Variants in COL23A1 observed in about 807,000 individuals in gnomAD.
COL23A1 encodes the protein collagen type XXIII alpha 1 chain.
In COL23A1, 97 loss-of-function variants were observed where a neutral mutation model predicts 99.3. The ratio of observed to expected loss-of-function variants is 0.98; its 90% confidence interval spans 0.83 to 1.16. The LOEUF is 1.16. Among genes scored for constraint, COL23A1 ranks in the 50% most tolerant of loss-of-function variants. The pLI is 0.00. For missense variants in COL23A1, 762 were observed against 757.4 expected (o/e 1.01, Z -0.07); for synonymous variants, 320 against 308.2 (o/e 1.04, Z -0.40).
At chr5:178,247,422 G>T in intron 22 of COL23A1, 104 bp downstream of exon 22, 1 of 1,344,256 alleles carries the variant, frequency 7.4e-7, no homozygotes, top group Non-Finnish European at 1.1e-6. Flanking sequence ...TCAGGGATGG[G>T]CCAGGGCGGA....
At chr5:178,290,423 G>A (rs1018662482) in intron 3 of COL23A1, 54 bp from the exon 4 acceptor site, 40 of 1,612,508 alleles carry the variant, frequency 2.5e-5, no homozygotes, top group Admixed American at 5.0e-5. Flanking sequence ...GAGTCCCCTC[G>A]CCTGTCCTCA....
In COL23A1 at chr5:178,309,983, C is replaced by T. The variant is rs60967673; in HGVS notation, c.362-3064G>A. The stretch of plus-strand genomic sequence containing the variant: ...AGGGAGAAGGGGACAGGCAGGGAGG[C>T]CTCAGGTCTCCTCACTGCTTCTGGG... On this transcript the variant is annotated intron_variant, in intron 2 of 28. Coordinates refer to ENST00000390654, the MANE Select transcript of COL23A1 (RefSeq NM_173465.4). This position sits in a 1 kb window ranked among gnomAD's most constrained non-coding sequence, Gnocchi z 4.7. Among the ~76,000 whole-genome samples the T allele has an allele frequency of 0.12, 18,137 of 152,076 alleles. 2,016 individuals are homozygous for T. Among genetic ancestry groups the T allele is most frequent in the African/African-American group, 0.29 (11,989 of 41,388 alleles).
In COL23A1 at chr5:178,247,194, G is replaced by GT. The variant is rs532687785; in HGVS notation, c.1296+331_1296+332insA. Among the ~76,000 whole-genome samples the GT allele has an allele frequency of 2.6e-5, 4 of 152,244 alleles. 1 individual carries two copies. In the East Asian group the frequency reaches 7.8e-4, roughly 30 times the overall value. ...GGGCGGGCTGGGATGGGGAGAGGTG[G>GT]GGACAGTGCAAGGAACTGACAGGCA... On this transcript the variant is annotated intron_variant, in intron 22 of 28. Transcript: ENST00000390654.
chr5:178,449,907 C>T (rs894552596), intron 2 of COL23A1, among the ~76,000 whole-genome samples: 1 of 152,130 alleles, frequency 6.6e-6, no homozygotes, highest in South Asian at 2.1e-4. Context: ...GTCTAGTAGC[C>T]ATCTGCTGAC....
At chr5:178,296,536 C>T (rs1298894062) in intron 3 of COL23A1, among the ~76,000 whole-genome samples, 1 of 152,162 alleles carries the variant, frequency 6.6e-6, no homozygotes, top group Non-Finnish European at 1.5e-5. Context: ...CGTGGGAGGA[C>T]CCAGGCCCCC....
chr5:178,261,854 G>T, intron 10 of COL23A1, 106 bp from the exon 11 acceptor site: 1 of 990,592 alleles, frequency 1.0e-6, no homozygotes, highest in Admixed American at 2.0e-5. Context: ...ATCCCAGAGA[G>T]CAGGAGGCTG....
rs1390237324 is a variant in COL23A1 at position 178,365,686 on chromosome 5, C to T, written c.362-58767G>A. On this transcript the variant is annotated intron_variant, in intron 2 of 28. Coordinates refer to ENST00000390654, the MANE Select transcript of COL23A1 (RefSeq NM_173465.4). The surrounding 1 kb of genome is among the most constrained non-coding windows in gnomAD (Gnocchi z 5.2). ...CTCCTCGACAACTGCGTGCTGTTCC[C>T]GGCAGACCCTTGCGTTTCCTGTTCT... Among the ~76,000 whole-genome samples the T allele has an allele frequency of 3.3e-5, 5 of 152,138 alleles. No homozygotes were observed. The highest frequency in any genetic ancestry group is 4.4e-5 in the Non-Finnish European group (3 of 68,018).
chr5:178,521,797 T>C (rs1039406386), intron 2 of COL23A1, among the ~76,000 whole-genome samples: 2 of 152,204 alleles, frequency 1.3e-5, no homozygotes, highest in Non-Finnish European at 2.9e-5. Context: ...ATATCTAGTC[T>C]AGGCACAGTC....
rs1018343619 is a variant in COL23A1, at chr5:178,384,086, A to T, written c.362-77167T>A. ...CTCCTGCCACGGCCAGGCAGGTCCC[A>T]CCTCTCTGCAAAGACCCCTCTTCTC... On this transcript the variant is annotated intron_variant, in intron 2 of 28. Coordinates refer to ENST00000390654, the MANE Select transcript of COL23A1 (RefSeq NM_173465.4). The surrounding 1 kb of genome is among the most constrained non-coding windows in gnomAD (Gnocchi z 5.5). 1.3e-5 allele frequency among the ~76,000 whole-genome samples: 2 copies of T among 152,098 alleles called. No individual in the cohort carries two copies.
At chr5:178,389,941 C>T (rs1051673668) in intron 2 of COL23A1, among the ~76,000 whole-genome samples, 1 of 152,226 alleles carries the variant, frequency 6.6e-6, no homozygotes, top group Admixed American at 6.5e-5. Context: ...CCCCTTGCCA[C>T]TAATCTCACA....
chr5:178,288,365 A>C lies in COL23A1; in HGVS notation c.415-15T>G. The C allele has an allele frequency of 1.2e-6, 2 of 1,608,864 alleles. No homozygotes were observed. Reference sequence around the variant, plus strand: ...CCTGATTGCCCCTGTGGTAATTAATATGTCATTAATAATCAGAGTTTCGGC... The same window carrying C: ...CCTGATTGCCCCTGTGGTAATTAATCTGTCATTAATAATCAGAGTTTCGGC... On this transcript the variant is annotated splice_polypyrimidine_tract_variant and intron_variant, in intron 4 of 28. Transcript: ENST00000390654.
At chr5:178,315,400 G>A (rs994950721) in intron 2 of COL23A1, among the ~76,000 whole-genome samples, 4 of 152,130 alleles carry the variant, frequency 2.6e-5, no homozygotes, top group Non-Finnish European at 4.4e-5. Flanking sequence ...CAATCCTCTC[G>A]AGTAATTCTG....
At position 178,543,944 on chromosome 5, in the gene COL23A1, T is replaced by A. The variant is rs375854789; in HGVS notation, c.361+16738A>T. Among the ~76,000 whole-genome samples, 19 of 152,194 alleles carry A rather than the reference T, an allele frequency of 1.2e-4. No homozygotes were observed. The East Asian group carries it at 3.1e-3, about 25-fold the overall frequency. ...GTTCATGGATGATGCCTTCTCCCTA[T>A]AACCTCACAGGGTCGTAGGGGTGAA... On this transcript the variant is annotated intron_variant, in intron 2 of 28. Coordinates refer to ENST00000390654, the MANE Select transcript of COL23A1 (RefSeq NM_173465.4).
chr5:178,444,597 C>T (rs1198026457), intron 2 of COL23A1, among the ~76,000 whole-genome samples: 5 of 152,054 alleles, frequency 3.3e-5, no homozygotes, highest in African/African-American at 4.8e-5. Flanking sequence ...GAGTTCGAAA[C>T]CAGCCTGGCC....
chr5:178,565,835 G>A (rs988361246), intron 1 of COL23A1, among the ~76,000 whole-genome samples: 20 of 151,826 alleles, frequency 1.3e-4, no homozygotes, highest in Admixed American at 3.3e-4. Context: ...TATCAGGGCC[G>A]GGCGCGGTGG....
chr5:178,531,017 GC>G (rs1420083845), intron 2 of COL23A1, among the ~76,000 whole-genome samples: 1 of 152,102 alleles, frequency 6.6e-6, no homozygotes, highest in Non-Finnish European at 1.5e-5. Context: ...ACAGGCACGC[GC>G]CACCACGCCT....
In COL23A1 at chr5:178,313,025, A is replaced by G. The variant is rs541471984; in HGVS notation, c.362-6106T>C. Among the ~76,000 whole-genome samples the G allele has an allele frequency of 4.6e-5, 7 of 152,336 alleles. No individual in the cohort carries two copies. The South Asian group carries it at 1.4e-3, about 32-fold the overall frequency. On this transcript the variant is annotated intron_variant, in intron 2 of 28. Coordinates refer to ENST00000390654, the MANE Select transcript of COL23A1 (RefSeq NM_173465.4). The surrounding 1 kb of genome is among the most constrained non-coding windows in gnomAD (Gnocchi z 4.2). The stretch of plus-strand genomic sequence containing the variant: ...CGTGAGTCAGCCCTGGAGAGGAAGG[A>G]GTTCCTGCGCACGCTGCAGCATGAT...
At chr5:178,320,677 G>A (rs1232642946) in intron 2 of COL23A1, among the ~76,000 whole-genome samples, 1 of 152,206 alleles carries the variant, frequency 6.6e-6, no homozygotes, top group African/African-American at 2.4e-5. Flanking sequence ...GCACCCCAGG[G>A]GACTTGGGGT....
chr5:178,262,493 T>C (rs1285172257), intron 9 of COL23A1, among the ~76,000 whole-genome samples: 1 of 152,102 alleles, frequency 6.6e-6, no homozygotes, highest in Non-Finnish European at 1.5e-5. Context: ...TGGGGGAATC[T>C]GGCAGCAGTT....
Sources: gnomAD v4.1 joint callset for allele counts (sites outside exome capture counted in the v4.1 genomes callset) on GRCh38, gnomAD v4.1.1 for gene constraint, Gnocchi (gnomAD v3.1) non-coding constraint, MANE v1.5 for transcripts, NCBI Gene and HGNC (gene_info 2026-07-23, HGNC 2026-07-21) for gene names.